RFX3: variants seen among roughly 807,000 people sequenced by gnomAD.
RFX3 encodes the protein regulatory factor X3.
Under a neutral mutation model 98.6 loss-of-function variants are expected in RFX3, and 14 were observed. The observed-to-expected ratio is 0.14, with a 90% CI of 0.09 to 0.22. The LOEUF is 0.22. RFX3 is among the 10% of genes least tolerant of loss of function. The pLI is 1.00. For synonymous variants in RFX3, 383 were observed against 328.4 expected, an observed-to-expected ratio of 1.17 and a Z score of -1.80; for missense variants, 639 against 926.9, an observed-to-expected ratio of 0.69 and a Z score of 4.03.
chr9:3,352,519 T>C (rs140912547), intron 2 of RFX3, among the ~76,000 whole-genome samples: 12 of 152,208 alleles, frequency 7.9e-5, no homozygotes, highest in African/African-American at 2.9e-4. Context: ...CTTACCACTA[T>C]GGCTGATCAC....
At chr9:3,237,706 T>A (rs575811270) in intron 15 of RFX3, among the ~76,000 whole-genome samples, 6 of 152,352 alleles carry the variant, frequency 3.9e-5, no homozygotes, top group African/African-American at 1.2e-4. Flanking sequence ...TTATGCTTAT[T>A]TTGTTGAGGA....
chr9:3,476,290 T>C (rs1403755984), intron 1 of RFX3, among the ~76,000 whole-genome samples: 1 of 152,002 alleles, frequency 6.6e-6, no homozygotes, highest in Admixed American at 6.6e-5. Flanking sequence ...CTCGTGCCCC[T>C]GGTCTCTTGC....
chr9:3,504,193 T>C (rs147623396), intron 1 of RFX3, among the ~76,000 whole-genome samples: 3 of 92,394 alleles, frequency 3.2e-5, no homozygotes, highest in African/African-American at 2.4e-4. Flanking sequence ...ATATTATATA[T>C]TATATATATT....
intron 1 of RFX3, among the ~76,000 whole-genome samples, chr9:3,404,336 T>C (rs1841759736): frequency 6.6e-6 from 1 of 152,094 alleles, no homozygotes; most frequent in African/African-American, 2.4e-5. Context: ...AGGAGAAAAA[T>C]GTAAACAGAT....
At chr9:3,239,697 G>C (rs1819657298) in intron 15 of RFX3, among the ~76,000 whole-genome samples, 1 of 152,206 alleles carries the variant, frequency 6.6e-6, no homozygotes, top group African/African-American at 2.4e-5. Context: ...CACCATTAAG[G>C]CCAAAGCAAG....
chr9:3,229,923 AGTACT>A (rs1818262385), intron 15 of RFX3, among the ~76,000 whole-genome samples: 1 of 152,200 alleles, frequency 6.6e-6, no homozygotes, highest in South Asian at 2.1e-4. Flanking sequence ...TACCTAGACA[AGTACT>A]GTTCTTCACA....
chr9:3,238,657 A>C (rs892731211), intron 15 of RFX3, among the ~76,000 whole-genome samples: 1 of 152,136 alleles, frequency 6.6e-6, no homozygotes, highest in African/African-American at 2.4e-5. Flanking sequence ...ACTTAACTTG[A>C]ACTTTGCAAC....
At chr9:3,410,161 C>CTGTGTATGTG (rs1842332556) in intron 1 of RFX3, among the ~76,000 whole-genome samples, 1 of 114,052 alleles carries the variant, frequency 8.8e-6, no homozygotes, top group Non-Finnish European at 1.8e-5. Context: ...GTGAGATAAA[C>CTGTGTATGTG]TGTGTGTGTG....
chr9:3,332,559 C>T (rs748096753), intron 3 of RFX3, among the ~76,000 whole-genome samples: 1 of 152,164 alleles, frequency 6.6e-6, no homozygotes, highest in Non-Finnish European at 1.5e-5. Context: ...TGCAATCTAT[C>T]TCCAACTTTG....
At chr9:3,267,609 CACT>C (rs1319401089) in intron 11 of RFX3, among the ~76,000 whole-genome samples, 1 of 151,798 alleles carries the variant, frequency 6.6e-6, no homozygotes, top group Non-Finnish European at 1.5e-5. Context: ...TTAGGAAAAA[CACT>C]CAAGCAGTGC....
At chr9:3,358,826 TC>T (rs1836074050) in intron 2 of RFX3, among the ~76,000 whole-genome samples, 1 of 151,960 alleles carries the variant, frequency 6.6e-6, no homozygotes, top group African/African-American at 2.4e-5. Flanking sequence ...CACAAGTCCT[TC>T]TTCACATGAT....
chr9:3,361,923 G>A (rs1016918120), intron 2 of RFX3, among the ~76,000 whole-genome samples: 1 of 152,078 alleles, frequency 6.6e-6, no homozygotes, highest in African/African-American at 2.4e-5. Context: ...CTCCAGCCTG[G>A]TCAACAGAGC....
At chr9:3,503,356 T>C (rs1490595149) in intron 1 of RFX3, among the ~76,000 whole-genome samples, 6 of 152,244 alleles carry the variant, frequency 3.9e-5, no homozygotes, top group Admixed American at 3.3e-4. Context: ...TCCATAAAAA[T>C]GTCTATTTCC....
intron 1 of RFX3, among the ~76,000 whole-genome samples, chr9:3,415,120 TTA>T (rs1258637783): frequency 8.3e-6 from 1 of 121,074 alleles, no homozygotes; most frequent in Non-Finnish European, 1.6e-5. Context: ...ATATATATAC[TTA>T]TATATATACT....
At chr9:3,247,680 A>C in intron 15 of RFX3, 1 of 1,467,200 alleles carries the variant, frequency 6.8e-7, no homozygotes, top group Non-Finnish European at 9.0e-7. Flanking sequence ...AATCCTTTCC[A>C]TTGTATTCCC....
At chr9:3,397,389 T>G (rs951001034) in intron 1 of RFX3, among the ~76,000 whole-genome samples, 5 of 152,242 alleles carry the variant, frequency 3.3e-5, no homozygotes, top group Non-Finnish European at 7.3e-5. Flanking sequence ...TGAACATTAA[T>G]TTTTAACTAA....
intron 14 of RFX3, 30 bp from the exon 15 acceptor site, chr9:3,248,215 C>T: frequency 6.4e-7 from 1 of 1,561,768 alleles, no homozygotes; most frequent in Non-Finnish European, 8.6e-7. Context: ...AAATATGCAG[C>T]TAACATTAGT....
intron 11 of RFX3, among the ~76,000 whole-genome samples, 174 bp downstream of exon 11, chr9:3,270,197 T>C (rs1824249185): frequency 6.6e-6 from 1 of 152,078 alleles, no homozygotes; most frequent in Admixed American, 6.6e-5. Flanking sequence ...TCTGTTCCCT[T>C]TTACTACAGT....
intron 1 of RFX3, among the ~76,000 whole-genome samples, chr9:3,478,409 C>CTT (rs200717765): frequency 3.9e-5 from 5 of 127,836 alleles, no homozygotes; most frequent in Admixed American, 7.9e-5. Flanking sequence ...TCTGCTAGAA[C>CTT]TTTTTTTTTT....
Sources: allele counts gnomAD v4.1 joint callset (sites outside exome capture counted in the v4.1 genomes callset), GRCh38; gene constraint gnomAD v4.1.1; transcripts MANE v1.5; gene names NCBI Gene and HGNC (gene_info 2026-07-23, HGNC 2026-07-21).